EPN2: variants seen among roughly 807,000 people sequenced by gnomAD.
The protein encoded by EPN2 is epsin 2.
A neutral mutation model predicts 61.7 loss-of-function variants in EPN2; 34 were observed. The ratio of observed to expected loss-of-function variants is 0.55; its 90% CI spans 0.42 to 0.73. EPN2 has a LOEUF of 0.73. Ranked by LOEUF, EPN2 falls within the 30% of genes least tolerant of loss-of-function variation. The pLI is 0.00. For missense variants in EPN2, 714 were observed against 839.2 expected (o/e 0.85, Z 1.84); for synonymous variants, 349 against 353.6 (o/e 0.99, Z 0.15).
chr17:19,278,934 G>C (rs1332629197), intron 1 of EPN2, among the ~76,000 whole-genome samples: 1 of 152,148 alleles, frequency 6.6e-6, no homozygotes, highest in Non-Finnish European at 1.5e-5. Context: ...ACCGTGCCCG[G>C]CCCCTAGTGA....
intron 1 of EPN2, among the ~76,000 whole-genome samples, chr17:19,254,892 G>T (rs2045057661): frequency 6.6e-6 from 1 of 152,222 alleles, no homozygotes; most frequent in African/African-American, 2.4e-5. Flanking sequence ...TAGGCAAAGA[G>T]TCTGTGCCTT....
intron 1 of EPN2, among the ~76,000 whole-genome samples, chr17:19,270,626 G>T (rs1462613541): frequency 6.6e-6 from 1 of 152,186 alleles, no homozygotes; most frequent in Non-Finnish European, 1.5e-5. Context: ...ATGCTGAGCA[G>T]CACCTGTTAC....
In EPN2 at chr17:19,312,116, A is replaced by T. The variant is rs762698542; in HGVS notation, c.944A>T (p.Asp315Val). 1 of 1,613,930 alleles carries T rather than the reference A, an allele frequency of 6.2e-7. No individual in the cohort carries two copies. The highest frequency in any genetic ancestry group is 1.3e-5 in the African/African-American group (1 of 74,930). Residue 315 changes from aspartate (D) to valine (V), a missense_variant, in exon 6 of 11, where the codon GAC becomes GTC. Physicochemically the swap from Asp to Val is radical, Grantham distance 152 (BLOSUM62 -3). Around this residue, in one of 2 missense-constraint regions of EPN2, gnomAD observed 410 missense variants for 421.8 expected, o/e 0.97. Transcript: ENST00000314728. ...ATGGCCCTGGAAGAAAGCCGAAGGG[A>T]CACAGTTAAAATTCCAAAAAAGAAA... ...LQMALEESRR[D>V]TVKIPKKKEH...
rs2045376044 is a variant in EPN2 at position 19,283,376 on chromosome 17, A to G, written c.257A>G (p.Lys86Arg). The G allele has an allele frequency of 6.2e-7, 1 of 1,614,060 alleles. No individual in the cohort carries two copies. Among genetic ancestry groups the G allele is most frequent in the Non-Finnish European group, 8.5e-7 (1 of 1,180,030 alleles). ...KALTLLDYLI[K>R]TGSERVAQQC... is the part of the protein sequence containing the mutation. ...CTGACCCTGCTGGACTACCTCATCAAGACAGGCTCCGAACGTGTGGCCCAG... is the reference window on the plus strand; with the variant it reads ...CTGACCCTGCTGGACTACCTCATCAGGACAGGCTCCGAACGTGTGGCCCAG... Residue 86 changes from lysine (K) to arginine (R), a missense_variant, in exon 3 of 11, where the codon AAG (lysine) becomes AGG (arginine). By Grantham distance (26) the Lys-to-Arg change is conservative. Around this residue, in one of 2 missense-constraint regions of EPN2, gnomAD observed 304 missense variants for 417.4 expected, o/e 0.73. Transcript: ENST00000314728. This position sits in a 1 kb window ranked among gnomAD's most constrained non-coding sequence, Gnocchi z 7.0.
At chr17:19,254,049 T>C (rs2045046041) in intron 1 of EPN2, among the ~76,000 whole-genome samples, 1 of 151,510 alleles carries the variant, frequency 6.6e-6, no homozygotes, top group Non-Finnish European at 1.5e-5. Flanking sequence ...GGAGAATCAC[T>C]TGAACCCAGG....
chr17:19,254,138 AAGAGAG>A lies in EPN2; in HGVS notation c.-294+16617_-294+16622del, dbSNP rs753593950. 2.7e-5 allele frequency among the ~76,000 whole-genome samples: 4 copies of A among 149,042 alleles called. No individual in the cohort carries two copies. In the East Asian group the frequency reaches 6.1e-4, roughly 23 times the overall value. On this transcript the variant is annotated intron_variant, in intron 1 of 10. Transcript: ENST00000314728. ...CAGAGCAAGAATCTGTCTAAAAAGAAAGAGAGAGAGAGAGAAAGAGAAAGAAAGAAA... is the reference window on the plus strand; with the variant it reads ...CAGAGCAAGAATCTGTCTAAAAAGAAAGAGAGAGAAAGAGAAAGAAAGAAA...
chr17:19,263,317 GTGGGGCCCATCCC>G (rs939378073), intron 1 of EPN2, among the ~76,000 whole-genome samples: 2 of 150,876 alleles, frequency 1.3e-5, no homozygotes, highest in African/African-American at 4.8e-5. Flanking sequence ...GAGAAGAGAA[GTGGGGCCCATCCC>G]TGGGGCCCAT....
chr17:19,304,360 A>G (rs921307660), intron 4 of EPN2, among the ~76,000 whole-genome samples: 4 of 152,216 alleles, frequency 2.6e-5, no homozygotes, highest in African/African-American at 9.7e-5. Flanking sequence ...GTAACAAGGA[A>G]GGAACTTAGC....
intron 1 of EPN2, among the ~76,000 whole-genome samples, chr17:19,268,686 A>ACTTTTCAC (rs2045224942): frequency 1.3e-5 from 2 of 152,250 alleles, no homozygotes; most frequent in Non-Finnish European, 2.9e-5. Flanking sequence ...ATGGCTATAG[A>ACTTTTCAC]AGCACTTTTC....
At chr17:19,259,976 C>T (rs2045123484) in intron 1 of EPN2, among the ~76,000 whole-genome samples, 1 of 152,226 alleles carries the variant, frequency 6.6e-6, no homozygotes, top group Admixed American at 6.5e-5. Context: ...CATGGCTGGC[C>T]TAAAAGCCCA....
chr17:19,329,684 T>A (rs1289493476), intron 9 of EPN2, 37 bp downstream of exon 9: 2 of 1,244,078 alleles, frequency 1.6e-6, no homozygotes, highest in Non-Finnish European at 2.3e-6. Context: ...TAATCCTCCG[T>A]GCATTTGACC....
chr17:19,270,638 T>C (rs2045243513), intron 1 of EPN2, among the ~76,000 whole-genome samples: 1 of 152,218 alleles, frequency 6.6e-6, no homozygotes, highest in Non-Finnish European at 1.5e-5. Context: ...ACCTGTTACC[T>C]CTATTTGAGA....
rs1907329035 is a variant in EPN2, at chr17:19,334,888, A to G, written c.*634A>G. ...TTTGTTTAGTACAGTTTCATATTTG[A>G]GTTTGCAGAATTATCTAATAGTCTT... On this transcript the variant is annotated 3_prime_UTR_variant, in exon 11 of 11. Coordinates refer to ENST00000314728, the MANE Select transcript of EPN2 (RefSeq NM_014964.5). This position sits in a 1 kb window ranked among gnomAD's most constrained non-coding sequence, Gnocchi z 4.9. 6.5e-6 allele frequency: 1 copy of G among 153,608 alleles called. No homozygotes were observed. The highest frequency in any genetic ancestry group is 2.4e-5 in the African/African-American group (1 of 41,390). The allele number at this position is 153,608 out of a possible 1,614,324, so 9.5% of individuals were successfully genotyped here.
chr17:19,317,786 C>G (rs1186184703), intron 7 of EPN2, among the ~76,000 whole-genome samples: 1 of 152,224 alleles, frequency 6.6e-6, no homozygotes, highest in African/African-American at 2.4e-5. Flanking sequence ...AGAAGCCTTG[C>G]AGCGGATCTA....
chr17:19,299,733 C>G (rs921309139), intron 4 of EPN2, among the ~76,000 whole-genome samples: 1 of 152,160 alleles, frequency 6.6e-6, no homozygotes, highest in African/African-American at 2.4e-5. Flanking sequence ...AATGGACTGC[C>G]TTTTGTCTCT....
At chr17:19,270,461 A>G (rs1300234701) in intron 1 of EPN2, among the ~76,000 whole-genome samples, 3 of 152,132 alleles carry the variant, frequency 2.0e-5, no homozygotes, top group African/African-American at 7.2e-5. Flanking sequence ...TCTCATAGGG[A>G]TGCCTCTGTA....
Position 19,323,433 on chromosome 17 carries a change from C to CT in EPN2, c.1148-5277dup, listed in dbSNP as rs1403358436. 2.0e-5 allele frequency among the ~76,000 whole-genome samples: 3 copies of CT among 152,174 alleles called. No individual in the cohort carries two copies. The East Asian group carries it at 5.8e-4, about 29-fold the overall frequency. ...GGTTTTCCAGAATTTTGGAAAGATG[C>CT]TCCTTCTCAGATCCAGGAAGCCTGG... is the stretch of plus-strand genomic sequence containing the variant. On this transcript the variant is annotated intron_variant, in intron 7 of 10. Transcript: ENST00000314728.
At chr17:19,286,706 T>C (rs1192974891) in intron 4 of EPN2, among the ~76,000 whole-genome samples, 1 of 152,254 alleles carries the variant, frequency 6.6e-6, no homozygotes, top group African/African-American at 2.4e-5. Context: ...TACAGCTTGT[T>C]TGACTTGGGT....
intron 4 of EPN2, among the ~76,000 whole-genome samples, chr17:19,289,724 G>GTTTTGTTTTTTTTT (rs772230550): frequency 1.2e-4 from 9 of 78,046 alleles, no homozygotes; most frequent in East Asian, 1.2e-3. Flanking sequence ...GGCGCTCATG[G>GTTTTGTTTTTTTTT]TTTTTTTTTT....
Sources: gnomAD v4.1 joint callset for allele counts (sites outside exome capture counted in the v4.1 genomes callset) on GRCh38, gnomAD v4.1.1 for gene constraint, gnomAD v4.1.1 regional missense constraint, Gnocchi (gnomAD v3.1) non-coding constraint, MANE v1.5 for transcripts, NCBI Gene and HGNC (gene_info 2026-07-23, HGNC 2026-07-21) for gene names.